Variants in TBC1D22A observed in about 807,000 individuals in gnomAD.
TBC1D22A encodes the protein putative GTPase activator.
In TBC1D22A, 38 loss-of-function variants were observed where a neutral mutation model predicts 60.2. The observed-to-expected ratio is 0.63, with a 90% confidence interval of 0.49 to 0.83. The LOEUF (loss-of-function observed/expected upper bound fraction) is 0.83. Ranked by LOEUF, TBC1D22A falls within the 40% of genes least tolerant of loss-of-function variation. The pLI is 0.00. For missense variants in TBC1D22A, 628 were observed against 701.0 expected, an observed-to-expected ratio of 0.90 and a Z score of 1.18; for synonymous variants, 302 against 281.7, an observed-to-expected ratio of 1.07 and a Z score of -0.72.
chr22:47,031,488 G>A (rs1293088683), intron 10 of TBC1D22A, among the ~76,000 whole-genome samples: 1 of 152,252 alleles, frequency 6.6e-6, no homozygotes, highest in Non-Finnish European at 1.5e-5. Context: ...CGCTGTGTCC[G>A]GTTTTCTGGT....
At chr22:47,136,552 G>A (rs1361790215) in intron 12 of TBC1D22A, among the ~76,000 whole-genome samples, 2 of 142,338 alleles carry the variant, frequency 1.4e-5, no homozygotes, top group Admixed American at 7.1e-5. Context: ...GGCCAGACCC[G>A]GGGACGGGGG....
intron 1 of TBC1D22A, among the ~76,000 whole-genome samples, chr22:46,781,541 A>T (rs953934854): frequency 6.6e-6 from 1 of 152,062 alleles, no homozygotes; most frequent in African/African-American, 2.4e-5. Flanking sequence ...GGTTCCCCTT[A>T]CGAGTGGTGG....
chr22:46,768,856 G>A (rs1052044365), intron 1 of TBC1D22A, among the ~76,000 whole-genome samples: 6 of 151,962 alleles, frequency 3.9e-5, no homozygotes, highest in Non-Finnish European at 8.8e-5. Flanking sequence ...CACTTTGGGG[G>A]GCCCAGGCGG....
chr22:46,811,828 G>A (rs1024433536), intron 4 of TBC1D22A, among the ~76,000 whole-genome samples: 4 of 152,178 alleles, frequency 2.6e-5, no homozygotes, highest in Non-Finnish European at 4.4e-5. Flanking sequence ...GGTCTGGCCC[G>A]CCAGGTGAAG....
chr22:47,151,824 G>A (rs139464987), intron 12 of TBC1D22A, among the ~76,000 whole-genome samples: 3 of 152,324 alleles, frequency 2.0e-5, no homozygotes, highest in Admixed American at 6.5e-5. Flanking sequence ...AAAGAGCAGC[G>A]TCACCCAGGG....
intron 10 of TBC1D22A, among the ~76,000 whole-genome samples, chr22:47,007,170 C>T (rs2061620657): frequency 6.6e-6 from 1 of 152,208 alleles, no homozygotes; most frequent in South Asian, 2.1e-4. Flanking sequence ...GGTCCCAAAG[C>T]TCCTGGGTCC....
At chr22:46,996,156 C>T (rs2075115801) in intron 9 of TBC1D22A, among the ~76,000 whole-genome samples, 1 of 152,260 alleles carries the variant, frequency 6.6e-6, no homozygotes. Flanking sequence ...GAGCCAGCAC[C>T]TGCCTGGTGG....
chr22:47,030,704 A>G (rs190230015), intron 10 of TBC1D22A, among the ~76,000 whole-genome samples: 1 of 152,274 alleles, frequency 6.6e-6, no homozygotes, highest in African/African-American at 2.4e-5. Flanking sequence ...GAAATTTCAA[A>G]TTCAGAATTA....
chr22:47,157,241 T>C (rs2067759244), intron 12 of TBC1D22A, among the ~76,000 whole-genome samples: 1 of 152,168 alleles, frequency 6.6e-6, no homozygotes, highest in Non-Finnish European at 1.5e-5. Flanking sequence ...CCGCGGCTCC[T>C]CCCACCTGGA....
intron 4 of TBC1D22A, among the ~76,000 whole-genome samples, chr22:46,840,585 T>G (rs189672330): frequency 6.6e-6 from 1 of 152,040 alleles, no homozygotes; most frequent in Non-Finnish European, 1.5e-5. Flanking sequence ...ATACAAAAAT[T>G]AGCTGGGCAT....
intron 7 of TBC1D22A, among the ~76,000 whole-genome samples, chr22:46,911,755 C>A (rs2069942551): frequency 6.6e-6 from 1 of 151,676 alleles, no homozygotes; most frequent in South Asian, 2.1e-4. Context: ...CTGTGTGTAC[C>A]AAAAAATACA....
chr22:47,006,261 A>G (rs904759046), intron 10 of TBC1D22A, among the ~76,000 whole-genome samples: 21 of 152,076 alleles, frequency 1.4e-4, no homozygotes, highest in African/African-American at 4.8e-4. Flanking sequence ...CTATAAATAA[A>G]CTTTTCTCAT....
chr22:47,029,542 T>G (rs1362962947), intron 10 of TBC1D22A, among the ~76,000 whole-genome samples: 1 of 152,190 alleles, frequency 6.6e-6, no homozygotes, highest in Non-Finnish European at 1.5e-5. Flanking sequence ...CTCTACAACC[T>G]GAGGCCTTAA....
At chr22:46,948,519 C>G (rs113398360) in intron 8 of TBC1D22A, among the ~76,000 whole-genome samples, 5 of 152,340 alleles carry the variant, frequency 3.3e-5, no homozygotes, top group South Asian at 4.1e-4. Context: ...CTCATCCCCC[C>G]ACGGTGGGTT....
At chr22:47,155,568 G>T (rs1037974510) in intron 12 of TBC1D22A, among the ~76,000 whole-genome samples, 1 of 152,170 alleles carries the variant, frequency 6.6e-6, no homozygotes, top group Non-Finnish European at 1.5e-5. Context: ...ACCATGTTGG[G>T]CAGATGGTTG....
At chr22:46,915,440 C>A in intron 8 of TBC1D22A, 1 of 456,680 alleles carries the variant, frequency 2.2e-6, no homozygotes, top group Non-Finnish European at 4.4e-6. Flanking sequence ...ACCTGAGCAC[C>A]TGCCAGTCCT....
At chr22:47,125,293 CT>C (rs1440560107) in intron 12 of TBC1D22A, among the ~76,000 whole-genome samples, 1 of 152,210 alleles carries the variant, frequency 6.6e-6, no homozygotes, top group African/African-American at 2.4e-5. Flanking sequence ...AGAACACATT[CT>C]TTTGTTCCCC....
At chr22:47,121,568 A>G (rs1029842095) in intron 12 of TBC1D22A, among the ~76,000 whole-genome samples, 1 of 152,198 alleles carries the variant, frequency 6.6e-6, no homozygotes, top group Admixed American at 6.5e-5. Flanking sequence ...ATATATCGAC[A>G]TATGTAATAC....
At chr22:47,055,895 C>T (rs552545825) in intron 11 of TBC1D22A, among the ~76,000 whole-genome samples, 112 of 151,698 alleles carry the variant, frequency 7.4e-4, no homozygotes, top group African/African-American at 2.4e-3. Context: ...CACTGAGGGT[C>T]GGTGAGATAC....
Sources: allele counts gnomAD v4.1 joint callset (sites outside exome capture counted in the v4.1 genomes callset), GRCh38; gene constraint gnomAD v4.1.1; transcripts MANE v1.5; gene names NCBI Gene and HGNC (gene_info 2026-07-23, HGNC 2026-07-21).